Variants in ACTN2 observed in about 807,000 individuals in gnomAD.
The protein encoded by ACTN2 is actinin alpha 2, also known as alpha-actinin-2.
Under a neutral mutation model 113.8 loss-of-function variants are expected in ACTN2, and 39 were observed. The ratio of observed to expected loss-of-function variants is 0.34; its 90% CI spans 0.27 to 0.45. The LOEUF (loss-of-function observed/expected upper bound fraction) is 0.45, where lower values mean the gene tolerates loss of function less well. Among genes scored for constraint, ACTN2 ranks in the 20% least tolerant of loss-of-function variants. The pLI, the probability that ACTN2 is intolerant of heterozygous loss-of-function variation, is 1.00. For missense variants in ACTN2, 992 were observed against 1,177.9 expected (o/e 0.84, Z 2.31); for synonymous variants, 429 against 444.1 (o/e 0.97, Z 0.43).
At chr1:236,713,524 G>A (rs1031900334) in intron 1 of ACTN2, among the ~76,000 whole-genome samples, 2 of 152,168 alleles carry the variant, frequency 1.3e-5, no homozygotes, top group African/African-American at 2.4e-5. Flanking sequence ...ACTGTGCCAA[G>A]CAAAGTATAG....
At position 236,763,854 on chromosome 1, in the gene ACTN2, T is replaced by A. The variant is rs1226164491; in HGVS notation, c.*1235T>A. Reference sequence around the variant, plus strand: ...ATCTTGATCTGTTGAATGTTCATTCTTTCTTTTTGCTCATACTGCTGTAGG... The same window carrying A: ...ATCTTGATCTGTTGAATGTTCATTCATTCTTTTTGCTCATACTGCTGTAGG... On this transcript the variant is annotated 3_prime_UTR_variant, in exon 21 of 21. Transcript: ENST00000366578. The A allele has an allele frequency of 1.3e-5, 2 of 152,244 alleles. No homozygotes were observed. The highest frequency in any genetic ancestry group is 2.9e-5 in the Non-Finnish European group (2 of 68,048). The allele number at this position is 152,244 out of a possible 1,614,324, so 9.4% of individuals were successfully genotyped here.
intron 1 of ACTN2, among the ~76,000 whole-genome samples, chr1:236,700,219 A>G (rs185226773): frequency 1.3e-5 from 2 of 152,216 alleles, no homozygotes; most frequent in East Asian, 3.9e-4. Context: ...GTCTCTCTCT[A>G]TAGCCCAGAC....
intron 1 of ACTN2, among the ~76,000 whole-genome samples, chr1:236,697,559 A>G (rs978911694): frequency 1.3e-5 from 2 of 152,094 alleles, no homozygotes; most frequent in African/African-American, 4.8e-5. Context: ...CTGGATGAAA[A>G]CATCATGTAT....
rs1051733285 is a variant in ACTN2 at position 236,749,105 on chromosome 1, G to T, written c.1516-19G>T. 1 of 1,613,772 alleles carries T rather than the reference G, an allele frequency of 6.2e-7. No individual in the cohort carries two copies. On this transcript the variant is annotated intron_variant, in intron 13 of 20. Coordinates refer to ENST00000366578, the MANE Select transcript of ACTN2 (RefSeq NM_001103.4). ...TTTTAATTAGTCTATGATAATGCTTGCTTCTCTTTATTCTTTAGAGAATGG... is the reference window on the plus strand; with the variant it reads ...TTTTAATTAGTCTATGATAATGCTTTCTTCTCTTTATTCTTTAGAGAATGG...
chr1:236,717,709 CT>C, intron 1 of ACTN2, 148 bp from the exon 2 acceptor site: 1 of 676,786 alleles, frequency 1.5e-6, no homozygotes, highest in South Asian at 1.6e-5. Flanking sequence ...TCCAGTTCTT[CT>C]TTCCATCAAA....
intron 5 of ACTN2, 22 bp from the exon 6 acceptor site, chr1:236,727,656 G>C (rs1459179522): frequency 6.2e-7 from 1 of 1,613,834 alleles, no homozygotes; most frequent in South Asian, 1.1e-5. Flanking sequence ...ACGTGTTCCT[G>C]TTCTTCTCGA....
At chr1:236,736,750 G>A (rs1023467360) in intron 8 of ACTN2, 52 of 912,958 alleles carry the variant, frequency 5.7e-5, no homozygotes, top group Middle Eastern at 3.1e-4. Flanking sequence ...CCATCCCATC[G>A]TCATGAGATC....
In ACTN2 at chr1:236,735,636, C is replaced by T. The variant is rs779578784; in HGVS notation, c.699C>T (p.Asp233=). Residue 233 remains aspartate (D), a splice_region_variant and synonymous_variant, in exon 8 of 21, where the codon GAC becomes GAT. Transcript: ENST00000366578. ...CTGTGTTATTTTCTCCCCCTTCAGA[C>T]ATCGTGAACACCCCTAAACCCGATG... ...LDIPKMLDAE[D]IVNTPKPDER... The T allele has an allele frequency of 1.2e-6, 2 of 1,613,806 alleles. No homozygotes were observed. Among genetic ancestry groups the T allele is most frequent in the Non-Finnish European group, 8.5e-7 (1 of 1,179,864 alleles).
chr1:236,744,899 A>C (rs146451960), intron 12 of ACTN2, 123 bp downstream of exon 12: 16,243 of 1,259,904 alleles, frequency 0.013, 154 homozygotes, highest in Middle Eastern at 0.064. Flanking sequence ...CACTCTGTGC[A>C]GGGATTCTCC....
intron 6 of ACTN2, among the ~76,000 whole-genome samples, chr1:236,729,013 G>A (rs1054761041): frequency 3.3e-5 from 5 of 152,118 alleles, no homozygotes; most frequent in African/African-American, 4.8e-5. Context: ...AGTACAGAGC[G>A]TCCACAAGAT....
chr1:236,695,563 T>TCTCCCCCCCC (rs1657467279), intron 1 of ACTN2, among the ~76,000 whole-genome samples: 1 of 100,796 alleles, frequency 9.9e-6, no homozygotes, highest in Non-Finnish European at 1.9e-5. Flanking sequence ...TGAAATGAGT[T>TCTCCCCCCCC]CCCCCCCCCT....
In ACTN2 at chr1:236,701,057, G is replaced by A. The variant is rs146431262; in HGVS notation, c.126+14258G>A. ...CAAGGTGGCTGGAGTAATTTCAGAG[G>A]TGGGGTGACCCTATCTCCAGGTTTG... On this transcript the variant is annotated intron_variant, in intron 1 of 20. Coordinates refer to ENST00000366578, the MANE Select transcript of ACTN2 (RefSeq NM_001103.4). Among the ~76,000 whole-genome samples the A allele has an allele frequency of 5.9e-5, 9 of 152,318 alleles. 1 individual carries two copies. In the East Asian group the frequency reaches 1.5e-3, roughly 26 times the overall value.
chr1:236,716,835 A>T (rs79676980), intron 1 of ACTN2, among the ~76,000 whole-genome samples: 54 of 116,336 alleles, frequency 4.6e-4, no homozygotes, highest in Admixed American at 6.4e-4. Flanking sequence ...CATTTTGAAC[A>T]TTTTTTTTTT....
chr1:236,717,917 C>A lies in ACTN2; in HGVS notation c.186C>A (p.Ile62=), dbSNP rs34403480. The A allele has an allele frequency of 6.2e-7, 1 of 1,614,118 alleles. No homozygotes were observed. The highest frequency in any genetic ancestry group is 8.5e-7 in the Non-Finnish European group (1 of 1,180,020). Residue 62 remains isoleucine, a synonymous_variant, in exon 2 of 21, where the codon ATC becomes ATA. Transcript: ENST00000366578. The part of the protein sequence containing the change: ...LRKAGTQIEN[I]EEDFRNGLKL... ...AAGCCGGCACCCAGATTGAGAACAT[C>A]GAGGAAGACTTCAGGAATGGCCTTA...
At position 236,755,147 on chromosome 1, in the gene ACTN2, C is replaced by T; in HGVS notation, c.2103C>T (p.Leu701=). 1.2e-6 allele frequency: 2 copies of T among 1,614,192 alleles called. No homozygotes were observed. The highest frequency in any genetic ancestry group is 1.7e-6 in the Non-Finnish European group (2 of 1,180,044). ...ACAAGCTGGAGGGAGACCATCAGCT[C>T]ATCCAGGAGGCCCTTGTCTTTGACA... ...NIDKLEGDHQ[L]IQEALVFDNK... Residue 701 remains leucine, a synonymous_variant, in exon 17 of 21, where the codon CTC becomes CTT. Transcript: ENST00000366578.
At chr1:236,690,710 A>G (rs1204146081) in intron 1 of ACTN2, among the ~76,000 whole-genome samples, 1 of 152,168 alleles carries the variant, frequency 6.6e-6, no homozygotes, top group Non-Finnish European at 1.5e-5. Context: ...TGTGAGCATG[A>G]GATTTGGCCC....
At chr1:236,759,914 A>G in intron 19 of ACTN2, 125 bp downstream of exon 19, 1 of 861,122 alleles carries the variant, frequency 1.2e-6, no homozygotes, top group Non-Finnish European at 1.9e-6. Flanking sequence ...ATTATATAGG[A>G]TAATATTTTT....
At chr1:236,760,873 T>C in intron 19 of ACTN2, 142 bp from the exon 20 acceptor site, 2 of 1,096,914 alleles carry the variant, frequency 1.8e-6, no homozygotes, top group South Asian at 1.3e-5. Context: ...GGGAATCTTG[T>C]CCAAAGACTG....
chr1:236,686,777 C>T lies in ACTN2; in HGVS notation c.104C>T (p.Ala35Val). The T allele has an allele frequency of 1.3e-6, 2 of 1,528,944 alleles. No individual in the cohort carries two copies. The highest frequency in any genetic ancestry group is 1.2e-5 in the South Asian group (1 of 80,954). 94.7% of individuals were successfully genotyped at this position (1,528,944 alleles called of 1,614,324 possible). Residue 35 changes from alanine to valine, a missense_variant, in exon 1 of 21, where the codon GCC becomes GTC. By Grantham distance (64) the Ala-to-Val change is moderately conservative. Around this residue, in one of 3 missense-constraint regions of ACTN2, gnomAD observed 220 missense variants for 337.5 expected, o/e 0.65. Transcript: ENST00000366578. The part of the protein sequence containing the change: ...EWDRDLLLDP[A>V]WEKQQRKTFT... ...GACCGCGACCTGCTCCTGGACCCAGCCTGGGAGAAGCAGCAGAGGAAGGTC... is the reference window on the plus strand; with the variant it reads ...GACCGCGACCTGCTCCTGGACCCAGTCTGGGAGAAGCAGCAGAGGAAGGTC...
Sources: allele counts gnomAD v4.1 joint callset (sites outside exome capture counted in the v4.1 genomes callset), GRCh38; gene constraint gnomAD v4.1.1; regional missense constraint gnomAD v4.1.1; transcripts MANE v1.5; gene names NCBI Gene and HGNC (gene_info 2026-07-23, HGNC 2026-07-21).